LSAMP: variants seen among roughly 807,000 people sequenced by gnomAD.
LSAMP encodes the protein limbic system-associated membrane protein.
In LSAMP, 7 loss-of-function variants were observed where a neutral mutation model predicts 38.6. That is an observed-to-expected ratio of 0.18 (90% CI 0.10 to 0.34). The LOEUF is 0.34. Among genes scored for constraint, LSAMP ranks in the 10% least tolerant of loss-of-function variants. The probability of loss-of-function intolerance (pLI) is 1.00; values close to 1 mark genes in which losing one functional copy is unlikely to be tolerated. For synonymous variants in LSAMP, 154 were observed against 166.8 expected (o/e 0.92, Z 0.59); for missense variants, 313 against 420.0 (o/e 0.75, Z 2.23).
intron 6 of LSAMP, 124 bp from the exon 7 acceptor site, chr3:115,810,538 C>G: frequency 1.4e-6 from 1 of 704,126 alleles, no homozygotes; most frequent in Non-Finnish European, 2.5e-6. Flanking sequence ...AAAGTTACTG[C>G]ACTTATGTGC....
At chr3:116,106,089 AAG>A (rs1708460402) in intron 1 of LSAMP, among the ~76,000 whole-genome samples, 1 of 152,144 alleles carries the variant, frequency 6.6e-6, no homozygotes, top group Non-Finnish European at 1.5e-5. Flanking sequence ...GAATAAGAGA[AAG>A]AGAAAAACAG....
chr3:116,081,526 T>C (rs145173123), intron 2 of LSAMP, among the ~76,000 whole-genome samples: 8 of 152,260 alleles, frequency 5.3e-5, no homozygotes, highest in African/African-American at 1.9e-4. Flanking sequence ...TCTAGAGACA[T>C]TATAATTTTA....
At chr3:116,098,917 GCTC>G (rs1708284069) in intron 1 of LSAMP, among the ~76,000 whole-genome samples, 2 of 152,334 alleles carry the variant, frequency 1.3e-5, no homozygotes, top group South Asian at 4.1e-4. Flanking sequence ...ATCTGGGAGA[GCTC>G]TTCTAATGAA....
intron 1 of LSAMP, among the ~76,000 whole-genome samples, chr3:116,231,041 C>T (rs2046397322): frequency 6.6e-6 from 1 of 152,086 alleles, no homozygotes; most frequent in African/African-American, 2.4e-5. Context: ...GGTGAGAGAA[C>T]ACAAAGAAGC....
At chr3:115,978,271 A>G (rs895761073) in intron 3 of LSAMP, among the ~76,000 whole-genome samples, 2 of 152,160 alleles carry the variant, frequency 1.3e-5, no homozygotes, top group Non-Finnish European at 2.9e-5. Context: ...TTGGTAATAT[A>G]TGGATCTACT....
At chr3:116,229,993 A>T (rs990452993) in intron 1 of LSAMP, among the ~76,000 whole-genome samples, 13 of 152,226 alleles carry the variant, frequency 8.5e-5, no homozygotes. Context: ...AATGACTGAA[A>T]AATGATTACT....
chr3:116,110,620 G>A (rs924222873), intron 1 of LSAMP, among the ~76,000 whole-genome samples: 2 of 152,262 alleles, frequency 1.3e-5, no homozygotes, highest in South Asian at 4.2e-4. Flanking sequence ...TAGTGAGGGA[G>A]GTTGGAGAAG....
At chr3:116,164,535 T>C (rs1709982980) in intron 1 of LSAMP, among the ~76,000 whole-genome samples, 1 of 145,852 alleles carries the variant, frequency 6.9e-6, no homozygotes, top group Admixed American at 6.9e-5. Flanking sequence ...GTAAGTAATC[T>C]TGTTTCATTT....
chr3:115,859,481 T>C (rs180791184), intron 3 of LSAMP, among the ~76,000 whole-genome samples: 170 of 152,288 alleles, frequency 1.1e-3, no homozygotes, highest in Non-Finnish European at 2.1e-3. Context: ...TGTTTAGACA[T>C]TTGAGCTGCA....
chr3:116,230,978 C>A (rs2046396772), intron 1 of LSAMP, among the ~76,000 whole-genome samples: 1 of 152,092 alleles, frequency 6.6e-6, no homozygotes, highest in East Asian at 1.9e-4. Flanking sequence ...TTTCTCCTGA[C>A]TCTTTTTCCT....
chr3:116,435,616 C>T (rs987194705), intron 1 of LSAMP, among the ~76,000 whole-genome samples: 1 of 152,174 alleles, frequency 6.6e-6, no homozygotes, highest in Non-Finnish European at 1.5e-5. Context: ...GTCTTCACCA[C>T]TCAGGAGCCA....
At chr3:116,381,317 G>C (rs140295221) in intron 1 of LSAMP, among the ~76,000 whole-genome samples, 1 of 151,982 alleles carries the variant, frequency 6.6e-6, no homozygotes, top group African/African-American at 2.4e-5. Context: ...GCATATACAC[G>C]TATGTATTTG....
intron 1 of LSAMP, among the ~76,000 whole-genome samples, chr3:116,404,756 T>C (rs1410879069): frequency 6.6e-6 from 1 of 152,162 alleles, no homozygotes; most frequent in African/African-American, 2.4e-5. Context: ...AAATTGTTTT[T>C]TTGTGGTAAA....
intron 1 of LSAMP, among the ~76,000 whole-genome samples, chr3:116,353,425 G>T (rs1038388221): frequency 2.0e-5 from 3 of 151,968 alleles, no homozygotes; most frequent in Non-Finnish European, 2.9e-5. Flanking sequence ...CCTTGGTATT[G>T]TTATTTAATT....
At chr3:116,006,386 A>T (rs1035081160) in intron 3 of LSAMP, among the ~76,000 whole-genome samples, 6 of 152,140 alleles carry the variant, frequency 3.9e-5, no homozygotes, top group Admixed American at 3.9e-4. Flanking sequence ...AGCCTCCAGA[A>T]CTGTGAGAAA....
chr3:115,850,815 G>A (rs1378969852), intron 4 of LSAMP, among the ~76,000 whole-genome samples: 1 of 152,174 alleles, frequency 6.6e-6, no homozygotes, highest in Non-Finnish European at 1.5e-5. Flanking sequence ...AAGGTCACAG[G>A]TAATGGTGCA....
intron 1 of LSAMP, among the ~76,000 whole-genome samples, chr3:116,129,118 G>A (rs772764786): frequency 5.9e-5 from 9 of 152,068 alleles, no homozygotes; most frequent in African/African-American, 2.2e-4. Context: ...AACATAAAAC[G>A]TGAATTCATA....
intron 1 of LSAMP, among the ~76,000 whole-genome samples, chr3:116,419,758 G>A (rs2049097970): frequency 6.6e-6 from 1 of 152,186 alleles, no homozygotes; most frequent in Non-Finnish European, 1.5e-5. Flanking sequence ...GATAGGATAA[G>A]TTGCTCATTG....
chr3:116,135,041 A>T (rs947506194), intron 1 of LSAMP, among the ~76,000 whole-genome samples: 5 of 152,158 alleles, frequency 3.3e-5, no homozygotes, highest in Admixed American at 3.3e-4. Context: ...CACTAAAACG[A>T]ATTTTCCATC....
Sources: gnomAD v4.1 joint callset for allele counts (sites outside exome capture counted in the v4.1 genomes callset) on GRCh38, gnomAD v4.1.1 for gene constraint, MANE v1.5 for transcripts, NCBI Gene and HGNC (gene_info 2026-07-23, HGNC 2026-07-21) for gene names.